DPP6: variants seen among roughly 807,000 people sequenced by gnomAD.
DPP6 encodes A-type potassium channel modulatory protein DPP6.
DPP6 carries 69 observed loss-of-function variants against 122.6 expected under a neutral mutation model. That is an observed-to-expected ratio of 0.56 (90% CI 0.46 to 0.69). DPP6 has a LOEUF of 0.69. Among genes scored for constraint, DPP6 ranks in the 30% least tolerant of loss-of-function variants. The pLI, the probability that DPP6 is intolerant of heterozygous loss-of-function variation, is 0.00. For missense variants in DPP6, 928 were observed against 1,116.9 expected (o/e 0.83, Z 2.41); for synonymous variants, 418 against 433.1 (o/e 0.97, Z 0.43).
At chr7:154,040,820 G>A (rs1047836634) in intron 1 of DPP6, among the ~76,000 whole-genome samples, 20 of 151,212 alleles carry the variant, frequency 1.3e-4, no homozygotes, top group African/African-American at 4.1e-4. Flanking sequence ...CTTAGCCTGC[G>A]TGCTACATGG....
the DPP6 span, among the ~76,000 whole-genome samples, chr7:153,810,671 CCTCTCTCT>C: frequency 0.029 from 3,624 of 124,644 alleles, 102 homozygotes; most frequent in East Asian, 0.083. Context: ...CTCTCTCTCT[CCTCTCTCT>C]CTCTCTCTCT....
intron 1 of DPP6, among the ~76,000 whole-genome samples, chr7:154,122,044 T>C (rs1465693378): frequency 6.6e-6 from 1 of 152,396 alleles, no homozygotes; most frequent in African/African-American, 2.4e-5. Context: ...AAATATCATC[T>C]TATTTTACAT....
Position 154,861,533 on chromosome 7 carries a change from G to A in DPP6, c.1715-6462G>A, listed in dbSNP as rs533101598. Among the ~76,000 whole-genome samples, 4 of 152,106 alleles carry A rather than the reference G, an allele frequency of 2.6e-5. No homozygotes were observed. The South Asian group carries it at 8.3e-4, about 32-fold the overall frequency. On this transcript the variant is annotated intron_variant, in intron 17 of 25. Transcript: ENST00000377770. Reference sequence around the variant, plus strand: ...CGTCACCCCAGAATTCTGTCCTAACGTCATTTAATCTTGGAAATATTTTAA... The same window carrying A: ...CGTCACCCCAGAATTCTGTCCTAACATCATTTAATCTTGGAAATATTTTAA...
intron 12 of DPP6, 100 bp downstream of exon 12, chr7:154,795,983 A>G (rs2150436068): frequency 6.7e-7 from 1 of 1,491,430 alleles, no homozygotes; most frequent in Non-Finnish European, 8.9e-7. Context: ...TTCTCAGAGT[A>G]AATCACACAG....
chr7:154,014,957 A>G (rs1256367014), intron 1 of DPP6, among the ~76,000 whole-genome samples: 3 of 152,094 alleles, frequency 2.0e-5, no homozygotes, highest in Admixed American at 2.0e-4. Context: ...TGGGTCTCAG[A>G]ATACCCTTTA....
At chr7:154,360,293 C>T (rs1811622031) in intron 1 of DPP6, among the ~76,000 whole-genome samples, 1 of 152,168 alleles carries the variant, frequency 6.6e-6, no homozygotes, top group Admixed American at 6.6e-5. Flanking sequence ...CTCTAGACCT[C>T]CAATTCCAAA....
chr7:154,530,909 C>G (rs1827790443), intron 3 of DPP6, among the ~76,000 whole-genome samples: 1 of 152,116 alleles, frequency 6.6e-6, no homozygotes. Flanking sequence ...GAAAACCAAA[C>G]ACCGCATGTT....
chr7:154,451,507 C>T (rs936139627), intron 2 of DPP6, among the ~76,000 whole-genome samples: 1 of 152,198 alleles, frequency 6.6e-6, no homozygotes, highest in African/African-American at 2.4e-5. Context: ...AGTAGCCCTG[C>T]GTCTTCTCCA....
intron 3 of DPP6, among the ~76,000 whole-genome samples, chr7:154,530,659 A>G (rs543597112): frequency 1.3e-5 from 2 of 152,230 alleles, no homozygotes; most frequent in Non-Finnish European, 2.9e-5. Flanking sequence ...ATGAAGGAAT[A>G]TAAATATTTC....
chr7:154,807,296 G>A (rs552461439), intron 16 of DPP6, among the ~76,000 whole-genome samples, 184 bp downstream of exon 16: 78 of 152,156 alleles, frequency 5.1e-4, no homozygotes, highest in Non-Finnish European at 4.9e-4. Flanking sequence ...CCCCCACAGA[G>A]CCTGGTGCAG....
chr7:154,363,615 C>T (rs1043236594), intron 1 of DPP6, among the ~76,000 whole-genome samples: 9 of 152,086 alleles, frequency 5.9e-5, no homozygotes, highest in East Asian at 1.9e-4. Flanking sequence ...AGCACGTGCG[C>T]GGAAAACCAT....
At chr7:154,836,171 C>T (rs574093058) in intron 16 of DPP6, among the ~76,000 whole-genome samples, 16 of 152,330 alleles carry the variant, frequency 1.1e-4, no homozygotes, top group Admixed American at 3.9e-4. Context: ...GCCTGCCCGC[C>T]GCCTGCCGCC....
At chr7:154,075,180 A>G (rs1319821572) in intron 1 of DPP6, among the ~76,000 whole-genome samples, 5 of 151,858 alleles carry the variant, frequency 3.3e-5, no homozygotes, top group Non-Finnish European at 5.9e-5. Flanking sequence ...ATATGGTGAA[A>G]AGGGAGCACT....
In DPP6 at chr7:154,743,856, T is replaced by G. The variant is rs181453336; in HGVS notation, c.883+15969T>G. ...CCTGAGGACCCAGGTATATGAAAAG[T>G]CAGTCCTCCATATACAGGGATTTCA... On this transcript the variant is annotated intron_variant, in intron 8 of 25. Transcript: ENST00000377770. 2.0e-3 allele frequency among the ~76,000 whole-genome samples: 298 copies of G among 152,294 alleles called. 3 individuals carry two copies. The highest frequency in any genetic ancestry group is 0.014 in the Middle Eastern group (4 of 294).
chr7:154,584,420 A>T (rs1461156080), intron 5 of DPP6, among the ~76,000 whole-genome samples: 1 of 152,196 alleles, frequency 6.6e-6, no homozygotes, highest in East Asian at 1.9e-4. Context: ...TTTCCTGCCT[A>T]TGAGTCCCCG....
chr7:153,924,310 T>A (rs1434423981), intron 1 of DPP6, among the ~76,000 whole-genome samples: 1 of 152,066 alleles, frequency 6.6e-6, no homozygotes, highest in Non-Finnish European at 1.5e-5. Flanking sequence ...GGTTTCACCA[T>A]TTTGGCCAGG....
chr7:154,688,799 C>A (rs1839775429), intron 7 of DPP6, among the ~76,000 whole-genome samples: 1 of 152,198 alleles, frequency 6.6e-6, no homozygotes, highest in Non-Finnish European at 1.5e-5. Flanking sequence ...AGCCCACTGA[C>A]TCAAATGTTA....
chr7:153,936,479 G>T (rs183761694), intron 1 of DPP6, among the ~76,000 whole-genome samples: 1 of 152,080 alleles, frequency 6.6e-6, no homozygotes. Context: ...CCCGCACGTA[G>T]ACAGAGTCTG....
intron 1 of DPP6, among the ~76,000 whole-genome samples, chr7:154,184,436 G>A (rs2150752854): frequency 1.3e-5 from 2 of 151,808 alleles, no homozygotes; most frequent in Middle Eastern, 3.4e-3. Context: ...GTGGTTGTTG[G>A]TAAGCAGCGT....
Sources: allele counts gnomAD v4.1 joint callset (sites outside exome capture counted in the v4.1 genomes callset), GRCh38; gene constraint gnomAD v4.1.1; transcripts MANE v1.5; gene names NCBI Gene and HGNC (gene_info 2026-07-23, HGNC 2026-07-21).